Variants in EXOC6 observed in about 807,000 individuals in gnomAD.
EXOC6 encodes the protein SEC15-like 1.
A neutral mutation model predicts 112.5 loss-of-function variants in EXOC6; 60 were observed. That is an observed-to-expected ratio of 0.53 (90% CI 0.43 to 0.66). EXOC6 has a LOEUF of 0.66. Ranked by LOEUF, EXOC6 falls within the 30% of genes least tolerant of loss-of-function variation. The probability of loss-of-function intolerance (pLI) is 0.00; values close to 1 mark genes in which losing one functional copy is unlikely to be tolerated. For missense variants in EXOC6, 855 were observed against 957.1 expected, an observed-to-expected ratio of 0.89 and a Z score of 1.41; for synonymous variants, 295 against 308.0, an observed-to-expected ratio of 0.96 and a Z score of 0.44.
chr10:92,991,383 C>T (rs917706255), intron 18 of EXOC6, among the ~76,000 whole-genome samples: 1 of 150,002 alleles, frequency 6.7e-6, no homozygotes, highest in African/African-American at 2.5e-5. Context: ...TTGCAGTGAG[C>T]CGAAATGGTG....
rs147222874 is a variant in EXOC6, at chr10:92,933,418, A to G, written c.973-726A>G. On this transcript the variant is annotated intron_variant, in intron 9 of 21. Coordinates refer to ENST00000260762, the MANE Select transcript of EXOC6 (RefSeq NM_019053.6). Reference sequence around the variant, plus strand: ...TAAAAATTTGACTACATACTATGCTATAAAGCAAGTATCAGGAAATATCAA... The same window carrying G: ...TAAAAATTTGACTACATACTATGCTGTAAAGCAAGTATCAGGAAATATCAA... 3.7e-3 allele frequency among the ~76,000 whole-genome samples: 567 copies of G among 152,282 alleles called. 1 individual carries two copies. The highest frequency in any genetic ancestry group is 0.013 in the African/African-American group (545 of 41,568).
chr10:92,937,611 T>A (rs1445990701), intron 12 of EXOC6, among the ~76,000 whole-genome samples: 1 of 152,172 alleles, frequency 6.6e-6, no homozygotes, highest in Non-Finnish European at 1.5e-5. Context: ...AACAGCGGGA[T>A]AAGGTGGGAT....
upstream of EXOC6, among the ~76,000 whole-genome samples, chr10:92,848,179 C>T (rs1201899718): frequency 6.6e-6 from 1 of 152,134 alleles, no homozygotes. Flanking sequence ...TTGCTGATTA[C>T]TACGGTACCC....
At chr10:92,940,162 G>A (rs1480144969) in intron 12 of EXOC6, among the ~76,000 whole-genome samples, 1 of 152,136 alleles carries the variant, frequency 6.6e-6, no homozygotes, top group African/African-American at 2.4e-5. Context: ...AGAAACCTTG[G>A]AGAGACAAGT....
intron 18 of EXOC6, among the ~76,000 whole-genome samples, chr10:92,976,066 C>T (rs1337237794): frequency 4.9e-5 from 7 of 143,146 alleles, no homozygotes; most frequent in East Asian, 2.2e-4. Context: ...GTCAGCCCCC[C>T]GCCCGGCCAG....
At chr10:93,029,702 C>T (rs1845186993) in intron 20 of EXOC6, among the ~76,000 whole-genome samples, 1 of 152,082 alleles carries the variant, frequency 6.6e-6, no homozygotes, top group Non-Finnish European at 1.5e-5. Context: ...CTTTGCCCTA[C>T]CCCTGAAATC....
At chr10:92,936,561 C>G (rs927361933) in intron 12 of EXOC6, among the ~76,000 whole-genome samples, 1 of 152,242 alleles carries the variant, frequency 6.6e-6, no homozygotes, top group African/African-American at 2.4e-5. Context: ...CGCCACTGCG[C>G]TCCCCTGGGC....
intron 1 of EXOC6, among the ~76,000 whole-genome samples, chr10:92,857,806 C>T (rs933873306): frequency 6.6e-6 from 1 of 151,628 alleles, no homozygotes; most frequent in Non-Finnish European, 1.5e-5. Context: ...TGTGTCTGGT[C>T]TGTGTGTCTG....
chr10:92,914,327 G>A (rs1850963382), intron 6 of EXOC6, among the ~76,000 whole-genome samples: 1 of 152,196 alleles, frequency 6.6e-6, no homozygotes, highest in African/African-American at 2.4e-5. Context: ...GCTCTAGGGA[G>A]AACAAAAGGA....
At chr10:92,999,001 A>G (rs1340966809) in intron 19 of EXOC6, among the ~76,000 whole-genome samples, 1 of 151,968 alleles carries the variant, frequency 6.6e-6, no homozygotes, top group African/African-American at 2.4e-5. Flanking sequence ...CCTCCCAAGT[A>G]GCTGGAACTA....
At chr10:93,026,497 G>T (rs1845029760) in intron 20 of EXOC6, among the ~76,000 whole-genome samples, 1 of 152,072 alleles carries the variant, frequency 6.6e-6, no homozygotes, top group Non-Finnish European at 1.5e-5. Flanking sequence ...GCTTTGCTTT[G>T]TTGCAATTCA....
chr10:92,940,874 C>A, intron 13 of EXOC6, 50 bp downstream of exon 13: 2 of 1,172,344 alleles, frequency 1.7e-6, no homozygotes, highest in South Asian at 1.3e-5. Context: ...TTGTCAAATG[C>A]TCAAGTGGTT....
rs1488022869 is a variant in EXOC6, at chr10:92,977,724, C to CTGTGTCA, written c.1953+3496_1953+3502dup. The stretch of plus-strand genomic sequence containing the variant: ...ACACACACGTTTTATGTTTTAATAT[C>CTGTGTCA]TGTGTCATGTATTGCTTTGAGGTGA... On this transcript the variant is annotated intron_variant, in intron 18 of 21. Coordinates refer to ENST00000260762, the MANE Select transcript of EXOC6 (RefSeq NM_019053.6). Among the ~76,000 whole-genome samples, 5 of 152,102 alleles carry CTGTGTCA rather than the reference C, an allele frequency of 3.3e-5. No individual in the cohort carries two copies. The East Asian group carries it at 9.7e-4, about 29-fold the overall frequency.
At chr10:92,849,255 A>G (rs903965251) in intron 1 of EXOC6, among the ~76,000 whole-genome samples, 3 of 152,106 alleles carry the variant, frequency 2.0e-5, no homozygotes, top group Non-Finnish European at 4.4e-5. Context: ...GCTGCTTGGG[A>G]ACACGCTAGG....
chr10:92,898,269 T>TAAA (rs34350548), intron 4 of EXOC6, among the ~76,000 whole-genome samples: 1 of 145,954 alleles, frequency 6.9e-6, no homozygotes, highest in Non-Finnish European at 1.5e-5. Context: ...AAATTAAAAT[T>TAAA]AAAAAAAAAA....
At chr10:92,971,407 C>T (rs1842292335) in intron 17 of EXOC6, among the ~76,000 whole-genome samples, 1 of 150,292 alleles carries the variant, frequency 6.7e-6, no homozygotes, top group Non-Finnish European at 1.5e-5. Flanking sequence ...TGGAGTATCA[C>T]TCTGTCACCC....
At chr10:92,920,888 A>G (rs185380352) in intron 8 of EXOC6, among the ~76,000 whole-genome samples, 100 of 152,202 alleles carry the variant, frequency 6.6e-4, no homozygotes, top group Non-Finnish European at 6.0e-4. Context: ...GTTTGGCTTT[A>G]ATTAGTATAG....
intron 19 of EXOC6, among the ~76,000 whole-genome samples, chr10:93,010,850 A>G (rs1232527827): frequency 6.6e-6 from 1 of 152,088 alleles, no homozygotes; most frequent in Non-Finnish European, 1.5e-5. Flanking sequence ...AGTTATTGTG[A>G]TGCTCAGAGC....
intron 1 of EXOC6, among the ~76,000 whole-genome samples, chr10:92,855,156 A>G (rs1426174883): frequency 6.6e-6 from 1 of 152,172 alleles, no homozygotes; most frequent in Admixed American, 6.5e-5. Flanking sequence ...GGCCTCAAGC[A>G]GTCCTCCTAC....
Sources: gnomAD v4.1 joint callset for allele counts (sites outside exome capture counted in the v4.1 genomes callset) on GRCh38, gnomAD v4.1.1 for gene constraint, MANE v1.5 for transcripts, NCBI Gene and HGNC (gene_info 2026-07-23, HGNC 2026-07-21) for gene names.